The following CADM2 variants were observed in gnomAD, a reference collection of about 807,000 sequenced individuals.
CADM2 encodes the protein cell adhesion molecule 2, also known as immunoglobulin superfamily member 4D.
A neutral mutation model predicts 49.8 loss-of-function variants in CADM2; 12 were observed. The ratio of observed to expected loss-of-function variants is 0.24; its 90% CI spans 0.15 to 0.39. The LOEUF is 0.39. Among genes scored for constraint, CADM2 ranks in the 10% least tolerant of loss-of-function variants. CADM2 has a pLI of 1.00. For synonymous variants in CADM2, 214 were observed against 175.4 expected, an observed-to-expected ratio of 1.22 and a Z score of -1.74; for missense variants, 378 against 492.3, an observed-to-expected ratio of 0.77 and a Z score of 2.20.
chr3:85,879,661 T>G (rs1712443693), intron 3 of CADM2, among the ~76,000 whole-genome samples: 3 of 152,144 alleles, frequency 2.0e-5, no homozygotes, highest in African/African-American at 4.8e-5. Flanking sequence ...GCATTAAAAT[T>G]TTTTAATCAA....
chr3:85,297,466 T>G (rs1204498483), intron 1 of CADM2, among the ~76,000 whole-genome samples: 1 of 152,028 alleles, frequency 6.6e-6, no homozygotes, highest in Non-Finnish European at 1.5e-5. Context: ...TTTTTGTTAT[T>G]GGCAGCTCTT....
At chr3:85,820,710 G>T (rs929929718) in intron 3 of CADM2, among the ~76,000 whole-genome samples, 2 of 152,052 alleles carry the variant, frequency 1.3e-5, no homozygotes, top group Admixed American at 6.6e-5. Flanking sequence ...ATAGCCAATT[G>T]GGTATATGAG....
chr3:86,017,667 G>A (rs943350179), intron 8 of CADM2, among the ~76,000 whole-genome samples: 3 of 151,062 alleles, frequency 2.0e-5, no homozygotes, highest in African/African-American at 4.8e-5. Context: ...AGCAGAGGCT[G>A]CAGTAAGCCG....
chr3:85,431,072 CT>C (rs2036640688), intron 1 of CADM2, among the ~76,000 whole-genome samples: 2 of 152,124 alleles, frequency 1.3e-5, no homozygotes, highest in Non-Finnish European at 2.9e-5. Context: ...CACATTTTTA[CT>C]GTACCTTTTC....
intron 2 of CADM2, among the ~76,000 whole-genome samples, chr3:85,728,248 T>G (rs1171696663): frequency 6.6e-6 from 1 of 152,164 alleles, no homozygotes; most frequent in Non-Finnish European, 1.5e-5. Context: ...TTTAGTGCCT[T>G]CCACACTTCC....
At chr3:85,581,804 T>G (rs2062806486) in intron 1 of CADM2, among the ~76,000 whole-genome samples, 1 of 151,806 alleles carries the variant, frequency 6.6e-6, no homozygotes, top group South Asian at 2.1e-4. Flanking sequence ...AAGTTCTTAG[T>G]GAGCTTCGAG....
intron 1 of CADM2, among the ~76,000 whole-genome samples, chr3:85,116,045 G>A (rs1244478136): frequency 6.6e-6 from 1 of 152,202 alleles, no homozygotes; most frequent in East Asian, 1.9e-4. Flanking sequence ...CATGTGCGTG[G>A]GCCAGGCACA....
chr3:85,470,015 A>G (rs1022768525), intron 1 of CADM2, among the ~76,000 whole-genome samples: 4 of 152,150 alleles, frequency 2.6e-5, no homozygotes, highest in South Asian at 2.1e-4. Context: ...TTCAGCTGAG[A>G]TGCTCAATCC....
At chr3:84,996,645 C>T (rs1408084460) in intron 1 of CADM2, among the ~76,000 whole-genome samples, 3 of 151,998 alleles carry the variant, frequency 2.0e-5, no homozygotes, top group African/African-American at 7.2e-5. Context: ...TCTTTATAAG[C>T]TTTGTATTTT....
Position 85,131,451 on chromosome 3 carries a change from A to G in CADM2, c.61+171783A>G, listed in dbSNP as rs973174448. Among the ~76,000 whole-genome samples, 3 of 152,220 alleles carry G rather than the reference A, an allele frequency of 2.0e-5. 1 individual carries two copies. In the East Asian group the frequency reaches 5.8e-4, roughly 29 times the overall value. Reference sequence around the variant, plus strand: ...AGCCTATACTACATCAGATAAAAACATAATAAACCTCATTGACTTACATAA... The same window carrying G: ...AGCCTATACTACATCAGATAAAAACGTAATAAACCTCATTGACTTACATAA... On this transcript the variant is annotated intron_variant, in intron 1 of 9. Coordinates refer to ENST00000383699, the MANE Select transcript of CADM2 (RefSeq NM_001167675.2).
chr3:85,213,656 A>G (rs756515692), intron 1 of CADM2, among the ~76,000 whole-genome samples: 2 of 152,120 alleles, frequency 1.3e-5, no homozygotes, highest in Admixed American at 6.5e-5. Context: ...TGGTTTGGAA[A>G]GTTCTCTGTT....
At chr3:85,385,720 G>T (rs2034185968) in intron 1 of CADM2, 5 of 144,840 alleles carry the variant, frequency 3.5e-5, no homozygotes, top group South Asian at 2.2e-4. Context: ...GAAACACTTT[G>T]CCTTTTTACA....
chr3:85,640,404 A>G (rs1559960377), intron 1 of CADM2, among the ~76,000 whole-genome samples: 1 of 152,220 alleles, frequency 6.6e-6, no homozygotes, highest in Non-Finnish European at 1.5e-5. Flanking sequence ...GTTTTTGAAC[A>G]TGATGGGATA....
intron 1 of CADM2, among the ~76,000 whole-genome samples, chr3:85,249,374 G>A (rs564420548): frequency 1.3e-5 from 2 of 151,862 alleles, no homozygotes; most frequent in South Asian, 2.1e-4. Context: ...TCTTTTCTCT[G>A]TCCTTTTTTC....
chr3:85,172,543 A>T (rs1386567007), intron 1 of CADM2, among the ~76,000 whole-genome samples: 1 of 152,120 alleles, frequency 6.6e-6, no homozygotes, highest in Non-Finnish European at 1.5e-5. Flanking sequence ...TCCTCTAGCT[A>T]GGGCAACAAT....
intron 1 of CADM2, among the ~76,000 whole-genome samples, chr3:85,047,790 T>G (rs545241487): frequency 3.3e-5 from 5 of 152,284 alleles, no homozygotes; most frequent in Admixed American, 3.3e-4. Context: ...GTGACCACTT[T>G]TGAATAATCA....
intron 1 of CADM2, among the ~76,000 whole-genome samples, chr3:84,973,133 G>A (rs542741958): frequency 2.0e-5 from 3 of 152,200 alleles, no homozygotes; most frequent in African/African-American, 4.8e-5. Flanking sequence ...TGCTGGTCTC[G>A]AACTCCTGGC....
chr3:85,687,293 G>T (rs905750255), intron 1 of CADM2, among the ~76,000 whole-genome samples: 45 of 152,202 alleles, frequency 3.0e-4, no homozygotes, highest in Non-Finnish European at 6.2e-4. Context: ...TAGCTTAAAA[G>T]AATGCCATTA....
At chr3:85,168,605 T>C (rs995032807) in intron 1 of CADM2, among the ~76,000 whole-genome samples, 3 of 152,214 alleles carry the variant, frequency 2.0e-5, no homozygotes, top group Non-Finnish European at 4.4e-5. Flanking sequence ...ATATTTGGTA[T>C]TCTTTAAAAC....
Sources: gnomAD v4.1 joint callset for allele counts (sites outside exome capture counted in the v4.1 genomes callset) on GRCh38, gnomAD v4.1.1 for gene constraint, MANE v1.5 for transcripts, NCBI Gene and HGNC (gene_info 2026-07-23, HGNC 2026-07-21) for gene names.